STPG2: variants seen among roughly 807,000 people sequenced by gnomAD.
The protein encoded by STPG2 is sperm tail PG-rich repeat containing 2.
A neutral mutation model predicts 54.2 loss-of-function variants in STPG2; 56 were observed. The observed-to-expected ratio is 1.03, with a 90% confidence interval of 0.83 to 1.29. The LOEUF (loss-of-function observed/expected upper bound fraction) is 1.29, where lower values mean the gene tolerates loss of function less well. Ranked by LOEUF, STPG2 falls within the 50% of genes most tolerant of loss-of-function variation. STPG2 has a pLI of 0.00. For synonymous variants in STPG2, 200 were observed against 181.8 expected (o/e 1.10, Z -0.81); for missense variants, 596 against 544.9 (o/e 1.09, Z -0.93).
chr4:97,726,589 T>C (rs945202819), intron 9 of STPG2, among the ~76,000 whole-genome samples: 1 of 152,008 alleles, frequency 6.6e-6, no homozygotes, highest in Non-Finnish European at 1.5e-5. Flanking sequence ...GTGATTCTTA[T>C]GCCAAAATAT....
At chr4:98,077,223 G>GTTTTTT (rs758785570) in intron 5 of STPG2, among the ~76,000 whole-genome samples, 149 of 117,268 alleles carry the variant, frequency 1.3e-3, no homozygotes, top group Middle Eastern at 4.2e-3. Context: ...GTCCTCAATA[G>GTTTTTT]TTTTGTTGTT....
chr4:97,768,716 T>C (rs559082528), intron 9 of STPG2, among the ~76,000 whole-genome samples: 11 of 152,042 alleles, frequency 7.2e-5, no homozygotes, highest in South Asian at 2.1e-4. Flanking sequence ...TTTTTTTTTT[T>C]CCCAAGAAGG....
chr4:97,907,188 T>C (rs1731465703), intron 8 of STPG2, among the ~76,000 whole-genome samples: 2 of 151,730 alleles, frequency 1.3e-5, no homozygotes, highest in Non-Finnish European at 2.9e-5. Flanking sequence ...ACAAAATCAA[T>C]GTACAAAAAT....
chr4:97,503,531 C>T (rs920548628), intron 4 of STPG2, among the ~76,000 whole-genome samples: 1 of 151,430 alleles, frequency 6.6e-6, no homozygotes, highest in Non-Finnish European at 1.5e-5. Flanking sequence ...CAGAGTCTCA[C>T]ACTGTGAGCC....
intron 8 of STPG2, among the ~76,000 whole-genome samples, chr4:97,935,888 T>G (rs530699566): frequency 6.6e-6 from 1 of 152,282 alleles, no homozygotes; most frequent in East Asian, 1.9e-4. Flanking sequence ...TAGATACGTA[T>G]CAGTTACACT....
At chr4:97,840,181 T>A (rs935873667) in intron 9 of STPG2, among the ~76,000 whole-genome samples, 2 of 151,474 alleles carry the variant, frequency 1.3e-5, no homozygotes, top group Non-Finnish European at 3.0e-5. Context: ...TGAAAAAAAA[T>A]AAAAATAATT....
intron 9 of STPG2, among the ~76,000 whole-genome samples, chr4:97,725,273 C>T (rs558460547): frequency 6.6e-6 from 1 of 151,716 alleles, no homozygotes; most frequent in South Asian, 2.1e-4. Context: ...AAAGGGAGAC[C>T]AAGAAGAGAA....
At chr4:97,906,171 T>C (rs943793143) in intron 8 of STPG2, among the ~76,000 whole-genome samples, 14 of 152,168 alleles carry the variant, frequency 9.2e-5, no homozygotes, top group Admixed American at 9.2e-4. Context: ...CAATAAAAAA[T>C]GATAAAGGGG....
intron 4 of STPG2, among the ~76,000 whole-genome samples, chr4:97,501,943 T>C (rs1481507779): frequency 1.3e-5 from 2 of 151,796 alleles, no homozygotes; most frequent in Non-Finnish European, 2.9e-5. Context: ...AATAGTCAAA[T>C]TGATTGGATA....
chr4:97,890,968 T>C lies in STPG2; in HGVS notation c.1045-50036A>G, dbSNP rs373192914. ...TAAGTCAGTACATAATACTGACTCT[T>C]GAAAAAAATTAAGAATTAGTATTAT... On this transcript the variant is annotated intron_variant, in intron 8 of 10. Transcript: ENST00000295268. 3.9e-5 allele frequency among the ~76,000 whole-genome samples: 6 copies of C among 151,942 alleles called. No homozygotes were observed. The East Asian group carries it at 7.7e-4, about 20-fold the overall frequency.
chr4:97,638,967 C>T (rs1327606888), intron 10 of STPG2, among the ~76,000 whole-genome samples: 5 of 150,730 alleles, frequency 3.3e-5, no homozygotes, highest in South Asian at 2.1e-4. Flanking sequence ...ACTAGAAATA[C>T]CATTTGACCC....
At chr4:97,715,416 C>G (rs995535500) in intron 9 of STPG2, among the ~76,000 whole-genome samples, 4 of 152,038 alleles carry the variant, frequency 2.6e-5, no homozygotes, top group Admixed American at 1.3e-4. Context: ...TGCATATTTT[C>G]CAGCCCTGTG....
At chr4:97,560,703 C>T (rs913891031) in intron 10 of STPG2, among the ~76,000 whole-genome samples, 1 of 152,076 alleles carries the variant, frequency 6.6e-6, no homozygotes, top group Non-Finnish European at 1.5e-5. Flanking sequence ...AGAGATTCAA[C>T]ATCTGGTAGC....
In STPG2 at chr4:97,597,247, A is replaced by G. The variant is rs1253930366; in HGVS notation, c.1321-38130T>C. ...CCTGAACAGACCAATAATGAGTTGCAAAATTGAATCAGTTATAAAAATCCT... is the reference window on the plus strand; with the variant it reads ...CCTGAACAGACCAATAATGAGTTGCGAAATTGAATCAGTTATAAAAATCCT... On this transcript the variant is annotated intron_variant, in intron 10 of 10. Coordinates refer to ENST00000295268, the MANE Select transcript of STPG2 (RefSeq NM_174952.3). Among the ~76,000 whole-genome samples, 3 of 152,228 alleles carry G rather than the reference A, an allele frequency of 2.0e-5. No homozygotes were observed. The East Asian group carries it at 5.8e-4, about 29-fold the overall frequency.
At chr4:97,992,348 A>G (rs992378559) in intron 5 of STPG2, among the ~76,000 whole-genome samples, 2 of 152,116 alleles carry the variant, frequency 1.3e-5, no homozygotes, top group African/African-American at 4.8e-5. Flanking sequence ...CCATTTGTTG[A>G]ATAGGGTGTC....
intron 5 of STPG2, among the ~76,000 whole-genome samples, chr4:98,091,368 T>C (rs1347139006): frequency 2.0e-5 from 3 of 152,078 alleles, no homozygotes; most frequent in Non-Finnish European, 4.4e-5. Flanking sequence ...AAATCTCCTA[T>C]AGATAAAAAT....
Position 98,105,942 on chromosome 4 carries a change from T to G in STPG2, c.612+11A>C. The G allele has an allele frequency of 6.5e-7, 1 of 1,550,038 alleles. No homozygotes were observed. The highest frequency in any genetic ancestry group is 8.8e-7 in the Non-Finnish European group (1 of 1,134,242). On this transcript the variant is annotated intron_variant, in intron 5 of 10. Transcript: ENST00000295268. Reference sequence around the variant, plus strand: ...TGGGAAAATATATGCATTAGCCACTTTTCAACTTACCTTTTTTTTCTCCTG... The same window carrying G: ...TGGGAAAATATATGCATTAGCCACTGTTCAACTTACCTTTTTTTTCTCCTG...
In STPG2 at chr4:98,138,760, A is replaced by T. The variant is rs774509501; in HGVS notation, c.109+4282T>A. Among the ~76,000 whole-genome samples the T allele has an allele frequency of 5.3e-5, 8 of 152,282 alleles. No individual in the cohort carries two copies. The Middle Eastern group carries it at 0.014, about 259-fold the overall frequency. Reference sequence around the variant, plus strand: ...CACATAGGCACAGGTATGAGACCATAGCCAGCTTATCCTTCTGTGGCAGAT... The same window carrying T: ...CACATAGGCACAGGTATGAGACCATTGCCAGCTTATCCTTCTGTGGCAGAT... On this transcript the variant is annotated intron_variant, in intron 1 of 10. Coordinates refer to ENST00000295268, the MANE Select transcript of STPG2 (RefSeq NM_174952.3).
chr4:97,943,842 G>T (rs1356531047), intron 8 of STPG2, 55 bp downstream of exon 8: 2 of 1,328,876 alleles, frequency 1.5e-6, no homozygotes, highest in East Asian at 5.1e-5. Context: ...ATGTTATGCA[G>T]CCTCCTCCAT....
Sources: gnomAD v4.1 joint callset for allele counts (sites outside exome capture counted in the v4.1 genomes callset) on GRCh38, gnomAD v4.1.1 for gene constraint, MANE v1.5 for transcripts, NCBI Gene and HGNC (gene_info 2026-07-23, HGNC 2026-07-21) for gene names.